Variants in TRMT11 observed in about 807,000 individuals in gnomAD.
TRMT11 encodes tRNA methyltransferase 11, also known as tRNA (guanine(10)-N(2))-methyltransferase TRMT11.
Under a neutral mutation model 62.8 loss-of-function variants are expected in TRMT11, and 53 were observed. The observed-to-expected ratio is 0.84, with a 90% confidence interval of 0.68 to 1.06. The LOEUF is 1.06. TRMT11 is among the 50% of genes least tolerant of loss of function. The pLI is 0.00. For missense variants in TRMT11, 556 were observed against 553.4 expected, an observed-to-expected ratio of 1.00 and a Z score of -0.05; for synonymous variants, 188 against 190.3, an observed-to-expected ratio of 0.99 and a Z score of 0.10.
chr6:126,088,986 G>C (rs1213348287), intron 17 of TRMT11, among the ~76,000 whole-genome samples: 4 of 152,090 alleles, frequency 2.6e-5, no homozygotes, highest in Admixed American at 6.5e-5. Context: ...TTGGATAATT[G>C]CATAAATTGC....
intron 21 of TRMT11, among the ~76,000 whole-genome samples, chr6:126,169,234 T>A (rs1778302255): frequency 6.6e-6 from 1 of 152,208 alleles, no homozygotes; most frequent in Non-Finnish European, 1.5e-5. Context: ...CCTGTCCTTG[T>A]AGGCATTTGA....
chr6:125,996,957 G>C (rs1791620350), intron 3 of TRMT11, among the ~76,000 whole-genome samples: 1 of 152,050 alleles, frequency 6.6e-6, no homozygotes, highest in Non-Finnish European at 1.5e-5. Flanking sequence ...GCCTTATTAT[G>C]AAATAAAAAT....
rs765548487 is a variant in TRMT11 at position 126,013,100 on chromosome 6, G to C, written c.1138G>C (p.Glu380Gln). 25 of 1,607,112 alleles carry C rather than the reference G, an allele frequency of 1.6e-5. No individual in the cohort carries two copies. The highest frequency in any genetic ancestry group is 1.7e-4 in the Middle Eastern group (1 of 6,044). The change falls in exon 11 of 13, where the codon GAA (glutamate) becomes CAA (glutamine). Residue 380 changes from glutamate (E) to glutamine (Q), a missense_variant and splice_region_variant. Physicochemically the swap from Glu to Gln is conservative, Grantham distance 29. Coordinates refer to ENST00000334379, the MANE Select transcript of TRMT11 (RefSeq NM_001031712.3). Reference protein sequence around the residue: ...LVYWLPVYTPEYTEEMVPWHP... With the variant: ...LVYWLPVYTPQYTEEMVPWHP... Reference sequence around the variant, plus strand: ...CTATTGGTTACCGGTGTATACGCCAGAGTATGTAATCTTAATTTTATTTTT... The same window carrying C: ...CTATTGGTTACCGGTGTATACGCCACAGTATGTAATCTTAATTTTATTTTT...
At chr6:126,016,644 A>G (rs1438556199) in intron 11 of TRMT11, among the ~76,000 whole-genome samples, 1 of 152,110 alleles carries the variant, frequency 6.6e-6, no homozygotes, top group Non-Finnish European at 1.5e-5. Flanking sequence ...GAAGATTTCC[A>G]AATACATATA....
the TRMT11 span, among the ~76,000 whole-genome samples, chr6:126,268,792 A>G: frequency 0.25 from 38,320 of 152,138 alleles, 5,512 homozygotes; most frequent in East Asian, 0.53. Context: ...AAAATTGGAT[A>G]TTAAAACACA....
the TRMT11 span, among the ~76,000 whole-genome samples, chr6:126,262,393 T>C: frequency 2.6e-5 from 4 of 152,198 alleles, no homozygotes; most frequent in African/African-American, 9.6e-5. Flanking sequence ...CTGTATGGAC[T>C]TGAGCACCAG....
intron 21 of TRMT11, among the ~76,000 whole-genome samples, chr6:126,130,224 GA>G (rs1777765042): frequency 6.6e-6 from 1 of 152,086 alleles, no homozygotes. Context: ...AGAAAGATAT[GA>G]AGAGAACAAC....
intron 21 of TRMT11, among the ~76,000 whole-genome samples, chr6:126,156,990 A>C (rs952359847): frequency 2.6e-5 from 4 of 152,184 alleles, no homozygotes; most frequent in Non-Finnish European, 5.9e-5. Context: ...TGCCATTGTG[A>C]GGTTGTACCA....
rs113950068 is a variant in TRMT11, at chr6:126,069,855, GTT to G, written c.*1437+16681_*1437+16682del. Among the ~76,000 whole-genome samples, 259 of 134,974 alleles carry G rather than the reference GTT, an allele frequency of 1.9e-3. 1 individual carries two copies. Among genetic ancestry groups the G allele is most frequent in the African/African-American group, 6.4e-3 (239 of 37,326 alleles). 88.5% of individuals were successfully genotyped at this position (134,974 alleles called of 152,430 possible). ...ATACCTTTGGTTTCTGTAGATGAAG[GTT>G]TTTTTTTTTTTTTTTAGGTTTATTG... On this transcript the variant is annotated intron_variant and NMD_transcript_variant, in intron 17 of 22. Transcript: ENST00000648977.
the TRMT11 span, among the ~76,000 whole-genome samples, chr6:126,239,847 A>G: frequency 3.9e-5 from 6 of 152,164 alleles, no homozygotes; most frequent in Non-Finnish European, 7.4e-5. Flanking sequence ...AGGTACACCA[A>G]TGAGACGTAG....
downstream of TRMT11, among the ~76,000 whole-genome samples, chr6:126,044,210 C>A (rs2128096314): frequency 6.6e-6 from 1 of 152,158 alleles, no homozygotes; most frequent in South Asian, 2.1e-4. Flanking sequence ...AGTCTTTAAT[C>A]CATCTTGAAT....
the TRMT11 span, among the ~76,000 whole-genome samples, chr6:126,260,894 G>A: frequency 6.6e-6 from 1 of 152,130 alleles, no homozygotes; most frequent in South Asian, 2.1e-4. Flanking sequence ...ATTATAATAT[G>A]CCTCAGAGAG....
At chr6:126,104,257 G>A (rs561681062) in intron 17 of TRMT11, among the ~76,000 whole-genome samples, 35 of 152,274 alleles carry the variant, frequency 2.3e-4, no homozygotes, top group Admixed American at 1.5e-3. Context: ...GTCAACTCAA[G>A]CTTTACTCTT....
the TRMT11 span, among the ~76,000 whole-genome samples, chr6:126,225,849 C>G: frequency 2.6e-5 from 4 of 151,770 alleles, no homozygotes; most frequent in South Asian, 2.1e-4. Flanking sequence ...ACCATCACCC[C>G]CAGCTAATTT....
At chr6:126,096,580 C>CT in intron 17 of TRMT11, among the ~76,000 whole-genome samples, 1 of 151,438 alleles carries the variant, frequency 6.6e-6, no homozygotes, top group South Asian at 2.1e-4. Context: ...GAATCAAATG[C>CT]TTTAGATAGC....
At chr6:126,243,342 G>A in the TRMT11 span, among the ~76,000 whole-genome samples, 1 of 152,174 alleles carries the variant, frequency 6.6e-6, no homozygotes, top group South Asian at 2.1e-4. Context: ...TGGTGGGACT[G>A]TAAACTAGTT....
chr6:126,242,843 C>T, the TRMT11 span, among the ~76,000 whole-genome samples: 1 of 152,118 alleles, frequency 6.6e-6, no homozygotes, highest in Non-Finnish European at 1.5e-5. Context: ...AGAAGAAAAC[C>T]TAGGCAATAC....
intron 11 of TRMT11, among the ~76,000 whole-genome samples, chr6:126,014,946 T>A (rs1375810791): frequency 6.6e-6 from 1 of 152,144 alleles, no homozygotes; most frequent in Non-Finnish European, 1.5e-5. Context: ...CATGAAATGA[T>A]AGGTGAGGTT....
intron 17 of TRMT11, among the ~76,000 whole-genome samples, chr6:126,077,875 A>G (rs1473790502): frequency 1.3e-5 from 2 of 152,196 alleles, no homozygotes; most frequent in Non-Finnish European, 2.9e-5. Context: ...AGAGGCTGCA[A>G]TCATAAATAT....
Sources: gnomAD v4.1 joint callset for allele counts (sites outside exome capture counted in the v4.1 genomes callset) on GRCh38, gnomAD v4.1.1 for gene constraint, MANE v1.5 for transcripts, NCBI Gene and HGNC (gene_info 2026-07-23, HGNC 2026-07-21) for gene names.